GRID1: variants seen among roughly 807,000 people sequenced by gnomAD.
GRID1 encodes the protein glutamate receptor ionotropic, delta-1.
In GRID1, 28 loss-of-function variants were observed where a neutral mutation model predicts 98.0. The observed-to-expected ratio is 0.29, with a 90% CI of 0.21 to 0.39. The LOEUF is 0.39. GRID1 is among the 10% of genes least tolerant of loss of function. The pLI is 1.00. For missense variants in GRID1, 1,111 were observed against 1,340.5 expected (o/e 0.83, Z 2.67); for synonymous variants, 553 against 538.5 (o/e 1.03, Z -0.37).
intron 4 of GRID1, among the ~76,000 whole-genome samples, chr10:85,987,320 T>G: frequency 8.2e-6 from 1 of 121,700 alleles, no homozygotes; most frequent in Non-Finnish European, 1.8e-5. Context: ...ACCTCCCACC[T>G]CCCACTCTCA....
chr10:85,885,853 C>T lies in GRID1; in HGVS notation c.781-16673G>A, dbSNP rs552525311. Among the ~76,000 whole-genome samples the T allele has an allele frequency of 3.3e-5, 5 of 152,286 alleles. No homozygotes were observed. In the South Asian group the frequency reaches 1.0e-3, roughly 32 times the overall value. On this transcript the variant is annotated intron_variant, in intron 5 of 15. Transcript: ENST00000327946. ...AATAAATACATTTATAGTAAAGATACATGTATAGTATAATATAATAAAAAC... is the reference window on the plus strand; with the variant it reads ...AATAAATACATTTATAGTAAAGATATATGTATAGTATAATATAATAAAAAC...
intron 12 of GRID1, among the ~76,000 whole-genome samples, chr10:85,701,645 A>G (rs1379936366): frequency 6.6e-6 from 1 of 152,212 alleles, no homozygotes; most frequent in Non-Finnish European, 1.5e-5. Flanking sequence ...GAATCAACCC[A>G]CCTGTTTATG....
chr10:85,662,329 G>T (rs916523882), intron 12 of GRID1, among the ~76,000 whole-genome samples: 1 of 152,192 alleles, frequency 6.6e-6, no homozygotes, highest in Admixed American at 6.5e-5. Flanking sequence ...GGCTAAACAG[G>T]CTGGAAAAGT....
intron 4 of GRID1, among the ~76,000 whole-genome samples, chr10:85,926,965 A>G (rs924485376): frequency 4.6e-5 from 7 of 152,204 alleles, no homozygotes; most frequent in Non-Finnish European, 1.0e-4. Flanking sequence ...ACCTTTATCA[A>G]TCACTATTTC....
intron 4 of GRID1, among the ~76,000 whole-genome samples, chr10:85,923,235 G>T (rs1187540269): frequency 6.6e-6 from 1 of 152,088 alleles, no homozygotes; most frequent in Admixed American, 6.5e-5. Context: ...CACCCCATCT[G>T]GGCAGAGGGA....
At chr10:85,917,296 A>AT (rs1841634646) in intron 4 of GRID1, among the ~76,000 whole-genome samples, 1 of 151,696 alleles carries the variant, frequency 6.6e-6, no homozygotes, top group African/African-American at 2.4e-5. Flanking sequence ...TATTCCTTTT[A>AT]TCAAAAAAAA....
At chr10:85,794,188 G>T (rs992043563) in intron 8 of GRID1, among the ~76,000 whole-genome samples, 6 of 152,066 alleles carry the variant, frequency 3.9e-5, no homozygotes, top group African/African-American at 1.4e-4. Context: ...CACTGCTGAG[G>T]TTATTTGGTT....
At chr10:86,071,213 G>C (rs1229333561) in intron 4 of GRID1, among the ~76,000 whole-genome samples, 1 of 152,220 alleles carries the variant, frequency 6.6e-6, no homozygotes, top group African/African-American at 2.4e-5. Context: ...TATCCAGCCT[G>C]TGCTGAGAGA....
intron 4 of GRID1, among the ~76,000 whole-genome samples, chr10:85,949,953 T>G (rs1022095645): frequency 6.6e-6 from 1 of 151,538 alleles, no homozygotes; most frequent in African/African-American, 2.4e-5. Flanking sequence ...CATGGATGGA[T>G]AGTTGGATGG....
intron 8 of GRID1, among the ~76,000 whole-genome samples, chr10:85,783,155 T>C (rs141946937): frequency 6.6e-6 from 1 of 152,274 alleles, no homozygotes; most frequent in East Asian, 1.9e-4. Flanking sequence ...GTTTTTGGCA[T>C]TGTAATTAGA....
intron 8 of GRID1, among the ~76,000 whole-genome samples, chr10:85,852,780 C>T (rs1219337819): frequency 6.6e-6 from 1 of 152,090 alleles, no homozygotes; most frequent in African/African-American, 2.4e-5. Context: ...CATCCCCTCA[C>T]CAAGTCTCAC....
intron 8 of GRID1, among the ~76,000 whole-genome samples, chr10:85,831,061 T>A (rs1247521946): frequency 6.6e-6 from 1 of 152,156 alleles, no homozygotes; most frequent in African/African-American, 2.4e-5. Flanking sequence ...TCAACATTAA[T>A]GCCCATCAAT....
chr10:86,109,761 G>A (rs1285978846), intron 4 of GRID1, among the ~76,000 whole-genome samples: 1 of 152,166 alleles, frequency 6.6e-6, no homozygotes, highest in Non-Finnish European at 1.5e-5. Context: ...CTCTCCAGGT[G>A]ATTCTAACCT....
chr10:86,232,296 C>T (rs909359246), intron 2 of GRID1, among the ~76,000 whole-genome samples: 21 of 152,180 alleles, frequency 1.4e-4, no homozygotes, highest in Admixed American at 7.2e-4. Context: ...ATGCCGCTCC[C>T]GCTCCCTCAG....
intron 8 of GRID1, among the ~76,000 whole-genome samples, chr10:85,732,931 T>C (rs1259909248): frequency 1.3e-5 from 2 of 152,158 alleles, no homozygotes; most frequent in Non-Finnish European, 1.5e-5. Context: ...CCTCCTGATA[T>C]TTGTATCTAG....
At chr10:86,282,290 A>G (rs1847367719) in intron 2 of GRID1, among the ~76,000 whole-genome samples, 1 of 152,130 alleles carries the variant, frequency 6.6e-6, no homozygotes, top group South Asian at 2.1e-4. Flanking sequence ...TCCCTGGGTG[A>G]CTTGGGCAAA....
In GRID1 at chr10:86,336,755, T is replaced by A. The variant is rs534620790; in HGVS notation, c.235+27186A>T. Among the ~76,000 whole-genome samples the A allele has an allele frequency of 3.1e-4, 47 of 152,256 alleles. No individual in the cohort carries two copies. In the South Asian group the frequency reaches 9.5e-3, roughly 31 times the overall value. ...CCATGGGAACATGGCTATAAATTGT[T>A]TCTGACAGTTGTGTTATTTCATGTA... On this transcript the variant is annotated intron_variant, in intron 2 of 15. Coordinates refer to ENST00000327946, the MANE Select transcript of GRID1 (RefSeq NM_017551.3).
intron 2 of GRID1, among the ~76,000 whole-genome samples, chr10:86,211,033 G>A (rs1420890801): frequency 6.6e-6 from 1 of 152,210 alleles, no homozygotes; most frequent in Non-Finnish European, 1.5e-5. Flanking sequence ...TTACTGGTTG[G>A]CTTTCTCTTT....
At chr10:85,993,460 A>G (rs1182389233) in intron 4 of GRID1, among the ~76,000 whole-genome samples, 1 of 152,188 alleles carries the variant, frequency 6.6e-6, no homozygotes, top group Non-Finnish European at 1.5e-5. Flanking sequence ...CATTTATATC[A>G]ATCAAATGGG....
Sources: allele counts gnomAD v4.1 joint callset (sites outside exome capture counted in the v4.1 genomes callset), GRCh38; gene constraint gnomAD v4.1.1; transcripts MANE v1.5; gene names NCBI Gene and HGNC (gene_info 2026-07-23, HGNC 2026-07-21).